Variants in CAND2 observed in about 807,000 individuals in gnomAD.
CAND2 encodes the protein cullin associated and neddylation dissociated 2 (putative), also known as cullin-associated NEDD8-dissociated protein 2.
CAND2 carries 62 observed loss-of-function variants against 98.9 expected under a neutral mutation model. The observed-to-expected ratio is 0.63, with a 90% CI of 0.51 to 0.77. The LOEUF is 0.77. Among genes scored for constraint, CAND2 ranks in the 30% least tolerant of loss-of-function variants. The probability of loss-of-function intolerance (pLI) is 0.00; values close to 1 mark genes in which losing one functional copy is unlikely to be tolerated. For missense variants in CAND2, 1,501 were observed against 1,655.2 expected (o/e 0.91, Z 1.62); for synonymous variants, 770 against 731.9 (o/e 1.05, Z -0.84).
rs1559553944 is a variant in CAND2, at chr3:12,817,009, C to T, written c.2077C>T (p.Gln693Ter). ...CCTCAGCCTCCCACCGTCTGCCGTG[C>T]AGGCCGTGCTGGCTGAGCTGCCTGC... ...QGLSLPPSAV[Q>*]AVLAELPALV... The change falls in exon 10 of 15, where the codon CAG becomes TAG. Residue 693 changes from glutamine (Q) to a stop codon, truncating the protein, a stop_gained. Coordinates refer to ENST00000456430, the MANE Select transcript of CAND2 (RefSeq NM_001162499.2). LOFTEE classifies it high-confidence loss of function. The T allele has an allele frequency of 1.2e-6, 2 of 1,612,976 alleles. No homozygotes were observed. The highest frequency in any genetic ancestry group is 1.3e-5 in the African/African-American group (1 of 74,938).
At chr3:12,813,737 C>T (rs1353832616) in intron 7 of CAND2, among the ~76,000 whole-genome samples, 1 of 152,222 alleles carries the variant, frequency 6.6e-6, no homozygotes, top group Non-Finnish European at 1.5e-5. Context: ...CAGGCTCCCC[C>T]ACCTCTGCAC....
At chr3:12,803,413 G>A in intron 1 of CAND2, 75 bp from the exon 2 acceptor site, 1 of 1,408,408 alleles carries the variant, frequency 7.1e-7, no homozygotes, top group Non-Finnish European at 9.5e-7. Context: ...TACTTCTAGG[G>A]GAACCCTGAG....
chr3:12,808,952 G>T lies in CAND2; in HGVS notation c.491+619G>T, dbSNP rs193032098. On this transcript the variant is annotated intron_variant, in intron 4 of 14. Transcript: ENST00000456430. ...AGAGCTGAGGTGCAGGGCTGGCCAG[G>T]AGCCATGGGGCAGGGGTGAGTATTT... is the stretch of plus-strand genomic sequence containing the variant. 4.8e-3 allele frequency among the ~76,000 whole-genome samples: 738 copies of T among 152,268 alleles called. 1 individual carries two copies. The highest frequency in any genetic ancestry group is 6.9e-3 in the Admixed American group (105 of 15,300).
intron 10 of CAND2, among the ~76,000 whole-genome samples, chr3:12,818,871 A>G (rs981351836): frequency 6.6e-6 from 1 of 152,236 alleles, no homozygotes; most frequent in Non-Finnish European, 1.5e-5. Context: ...TGTCTATTAC[A>G]TCACACAACC....
intron 5 of CAND2, among the ~76,000 whole-genome samples, chr3:12,811,539 C>T (rs17037276): frequency 0.096 from 14,582 of 152,250 alleles, 1,123 homozygotes; most frequent in African/African-American, 0.22. Flanking sequence ...TGCTATTTAT[C>T]GAGTGCCTGC....
intron 11 of CAND2, among the ~76,000 whole-genome samples, chr3:12,821,507 G>A (rs1465712850): frequency 6.6e-6 from 1 of 152,196 alleles, no homozygotes; most frequent in Non-Finnish European, 1.5e-5. Flanking sequence ...TGGAGAACAC[G>A]TGCAGAAGCT....
chr3:12,803,670 A>G, intron 2 of CAND2, 39 bp downstream of exon 2: 2 of 1,541,364 alleles, frequency 1.3e-6, no homozygotes, highest in Non-Finnish European at 8.8e-7. Context: ...AGGGGGCCCT[A>G]CCTTGTGTGG....
At chr3:12,801,012 T>C (rs2061761899) in intron 1 of CAND2, among the ~76,000 whole-genome samples, 1 of 145,372 alleles carries the variant, frequency 6.9e-6, no homozygotes, top group Admixed American at 6.9e-5. Context: ...CGTGAGCTGC[T>C]GCGCCCAGCC....
At position 12,813,268 on chromosome 3, in the gene CAND2, C is replaced by T. The variant is rs1033738972; in HGVS notation, c.886C>T (p.His296Tyr). ...CAGGTGCCCCAAGGAAATGGGTCCTCACGTGCCCAACGTGACCAGCCTCTG... is the reference window on the plus strand; with the variant it reads ...CAGGTGCCCCAAGGAAATGGGTCCTTACGTGCCCAACGTGACCAGCCTCTG... ...LRKCPKEMGP[H>Y]VPNVTSLCLQ... Residue 296 changes from histidine (H) to tyrosine (Y), a missense_variant, in exon 7 of 15, where the codon CAC (histidine) becomes TAC (tyrosine). Around this residue, in one of 3 missense-constraint regions of CAND2, gnomAD observed 1,427 missense variants for 1,545.3 expected, o/e 0.92. Transcript: ENST00000456430. 3.7e-6 allele frequency: 6 copies of T among 1,613,570 alleles called. No homozygotes were observed. The highest frequency in any genetic ancestry group is 3.5e-4 in the Middle Eastern group (2 of 5,792).
chr3:12,825,691 C>T, intron 12 of CAND2, 52 bp downstream of exon 12: 1 of 1,461,992 alleles, frequency 6.8e-7, no homozygotes. Flanking sequence ...TGCCACCTCT[C>T]ATGCCTCACT....
chr3:12,819,053 A>G (rs1219354279), intron 10 of CAND2, among the ~76,000 whole-genome samples: 1 of 152,090 alleles, frequency 6.6e-6, no homozygotes, highest in Non-Finnish European at 1.5e-5. Context: ...GGTTCCTGGG[A>G]CTTCCTTATT....
intron 1 of CAND2, among the ~76,000 whole-genome samples, chr3:12,797,276 C>T (rs553364114): frequency 1.3e-5 from 2 of 151,564 alleles, no homozygotes; most frequent in East Asian, 3.9e-4. Context: ...GGACCCTTCC[C>T]GGGACCGCAA....
chr3:12,819,969 AG>A (rs1313886773), intron 10 of CAND2, 116 bp from the exon 11 acceptor site: 32 of 744,836 alleles, frequency 4.3e-5, no homozygotes, highest in South Asian at 2.0e-4. Flanking sequence ...AGAGATGGGG[AG>A]GGGGTACAGT....
Position 12,817,795 on chromosome 3 carries a change from G to T in CAND2, c.2863G>T (p.Val955Leu). The T allele has an allele frequency of 5.9e-6, 9 of 1,529,170 alleles. No homozygotes were observed. Among genetic ancestry groups the T allele is most frequent in the Non-Finnish European group, 7.9e-6 (9 of 1,140,026 alleles). 94.7% of individuals were successfully genotyped at this position (1,529,170 alleles called of 1,614,324 possible). A position where few individuals can be genotyped will look rare whatever the true frequency, so the allele number is the denominator to read the frequency against. Residue 955 changes from valine to leucine, a missense_variant, in exon 10 of 15, where the codon GTG becomes TTG. Transcript: ENST00000456430. ...CEGAEEGTRG[V>L]VAECIGKLVL... ...GGGTGCTGAGGAGGGCACCCGGGGG[G>T]TGGTGGCCGAGTGCATTGGGAAGCT... is the stretch of plus-strand genomic sequence containing the variant.
intron 9 of CAND2, 102 bp downstream of exon 9, chr3:12,816,110 C>A: frequency 8.2e-7 from 1 of 1,213,368 alleles, no homozygotes; most frequent in Non-Finnish European, 1.2e-6. Context: ...GTCTGAGACC[C>A]AATCCCAGGC....
At chr3:12,822,340 G>A (rs2061963066) in intron 11 of CAND2, among the ~76,000 whole-genome samples, 2 of 138,344 alleles carry the variant, frequency 1.4e-5, no homozygotes, top group Admixed American at 1.6e-4. Flanking sequence ...TGTCACCCAG[G>A]CTGGAAGGCA....
intron 5 of CAND2, among the ~76,000 whole-genome samples, chr3:12,812,390 A>ATTTTTTTTTTTTT (rs35620069): frequency 1.5e-5 from 1 of 66,730 alleles, no homozygotes; most frequent in Non-Finnish European, 2.7e-5. Context: ...TGCCCGGCTA[A>ATTTTTTTTTTTTT]TTTTTTTTTT....
intron 3 of CAND2, 112 bp from the exon 4 acceptor site, chr3:12,808,098 A>C: frequency 5.8e-6 from 8 of 1,373,050 alleles, no homozygotes; most frequent in Non-Finnish European, 6.9e-6. Flanking sequence ...CCCTGGTAAG[A>C]TTCCCGGGGA....
Position 12,798,762 on chromosome 3 carries a change from A to C in CAND2, c.68+1974A>C, listed in dbSNP as rs941237321. 3.3e-5 allele frequency among the ~76,000 whole-genome samples: 5 copies of C among 152,174 alleles called. No homozygotes were observed. In the East Asian group the frequency reaches 9.6e-4, roughly 29 times the overall value. ...CTGGAGAACACTTAAAACCACCCCA[A>C]GCATGTGAGAATGGTGTCTATTTTT... is the stretch of plus-strand genomic sequence containing the variant. On this transcript the variant is annotated intron_variant, in intron 1 of 14. Transcript: ENST00000456430.
Sources: gnomAD v4.1 joint callset for allele counts (sites outside exome capture counted in the v4.1 genomes callset) on GRCh38, gnomAD v4.1.1 for gene constraint, gnomAD v4.1.1 regional missense constraint, MANE v1.5 for transcripts, NCBI Gene and HGNC (gene_info 2026-07-23, HGNC 2026-07-21) for gene names.